MCC: variants seen among roughly 807,000 people sequenced by gnomAD.
MCC encodes the protein colorectal mutant cancer protein.
A neutral mutation model predicts 116.2 loss-of-function variants in MCC; 90 were observed. The observed-to-expected ratio is 0.77, with a 90% CI of 0.65 to 0.92. MCC has a LOEUF of 0.92. MCC is among the 40% of genes least tolerant of loss of function. The probability of loss-of-function intolerance (pLI) is 0.00; values close to 1 mark genes in which losing one functional copy is unlikely to be tolerated. For missense variants in MCC, 1,516 were observed against 1,312.2 expected (o/e 1.16, Z -2.40); for synonymous variants, 578 against 510.5 (o/e 1.13, Z -1.78).
intron 16 of MCC, among the ~76,000 whole-genome samples, chr5:113,047,546 T>C (rs531682269): frequency 6.6e-6 from 1 of 152,352 alleles, no homozygotes; most frequent in East Asian, 1.9e-4. Flanking sequence ...ACATCAGTAC[T>C]GTTCCTTCTT....
chr5:113,114,085 T>G (rs1757259193), intron 6 of MCC, among the ~76,000 whole-genome samples: 1 of 151,842 alleles, frequency 6.6e-6, no homozygotes, highest in Non-Finnish European at 1.5e-5. Context: ...TTTAAATGGC[T>G]TAGAAAAAAA....
chr5:113,267,728 G>C (rs184712254), intron 3 of MCC, among the ~76,000 whole-genome samples: 1 of 152,180 alleles, frequency 6.6e-6, no homozygotes, highest in Non-Finnish European at 1.5e-5. Context: ...CGGGAGGCAG[G>C]GGTGACTGCT....
chr5:113,338,455 G>T (rs1330702424), intron 3 of MCC, among the ~76,000 whole-genome samples: 2 of 152,146 alleles, frequency 1.3e-5, no homozygotes, highest in Non-Finnish European at 2.9e-5. Context: ...AGTCCAGGAG[G>T]TTACTGGAGA....
intron 2 of MCC, among the ~76,000 whole-genome samples, chr5:113,377,233 G>A (rs1364188803): frequency 1.3e-5 from 2 of 152,020 alleles, no homozygotes; most frequent in African/African-American, 2.4e-5. Context: ...TTTGCTGCTT[G>A]TCACCAAAAA....
intron 2 of MCC, 75 bp downstream of exon 2, chr5:113,384,893 G>C: frequency 6.5e-7 from 1 of 1,549,234 alleles, no homozygotes; most frequent in Non-Finnish European, 8.8e-7. Flanking sequence ...ATGATGGGGA[G>C]GCTACTCTCA....
chr5:113,102,030 T>C, intron 7 of MCC, 85 bp from the exon 8 acceptor site: 1 of 1,338,874 alleles, frequency 7.5e-7, no homozygotes, highest in Non-Finnish European at 1.1e-6. Context: ...CAGGAATAAA[T>C]GTCCATAGAG....
chr5:113,303,221 G>A (rs1442781640), intron 3 of MCC, among the ~76,000 whole-genome samples: 1 of 152,144 alleles, frequency 6.6e-6, no homozygotes, highest in African/African-American at 2.4e-5. Context: ...GTGATGATTT[G>A]GAACTTATTG....
At chr5:113,179,112 G>A (rs1482935625) in intron 3 of MCC, among the ~76,000 whole-genome samples, 2 of 152,120 alleles carry the variant, frequency 1.3e-5, no homozygotes, top group African/African-American at 2.4e-5. Context: ...GACCCTTTAA[G>A]AACACAGGCT....
intron 1 of MCC, among the ~76,000 whole-genome samples, chr5:113,441,027 C>T (rs1416557480): frequency 6.6e-6 from 1 of 152,252 alleles, no homozygotes; most frequent in East Asian, 1.9e-4. Flanking sequence ...AAAAGACAGA[C>T]GCAGAATTAG....
intron 2 of MCC, among the ~76,000 whole-genome samples, chr5:113,343,584 C>T (rs1337310878): frequency 6.6e-6 from 1 of 152,174 alleles, no homozygotes; most frequent in Non-Finnish European, 1.5e-5. Context: ...GGACTTATAT[C>T]TCATACATAA....
chr5:113,425,940 A>C (rs1770469969), intron 1 of MCC, among the ~76,000 whole-genome samples: 1 of 152,080 alleles, frequency 6.6e-6, no homozygotes, highest in African/African-American at 2.4e-5. Context: ...AAGCCATGGC[A>C]ATAAGACATC....
At chr5:113,344,098 C>T (rs4331889) in intron 2 of MCC, among the ~76,000 whole-genome samples, 64,882 of 151,990 alleles carry the variant, frequency 0.43, 15,204 homozygotes, top group African/African-American at 0.62. Context: ...GGTTATGTAC[C>T]ATGGAGAATC....
intron 3 of MCC, among the ~76,000 whole-genome samples, chr5:113,312,898 T>C (rs926307697): frequency 1.3e-5 from 2 of 152,182 alleles, no homozygotes; most frequent in Admixed American, 6.5e-5. Context: ...ATTAAATGAA[T>C]GAATGAGCCT....
At chr5:113,181,509 T>C (rs575920056) in intron 3 of MCC, among the ~76,000 whole-genome samples, 1 of 152,346 alleles carries the variant, frequency 6.6e-6, no homozygotes, top group East Asian at 1.9e-4. Context: ...TCTATAACTG[T>C]AGAATACTAT....
intron 8 of MCC, among the ~76,000 whole-genome samples, chr5:113,094,527 T>A (rs894068804): frequency 2.6e-5 from 4 of 151,868 alleles, no homozygotes; most frequent in African/African-American, 4.8e-5. Context: ...TTCAAGCGAT[T>A]TTCCTGCCTC....
chr5:113,060,945 G>A (rs555105013), intron 14 of MCC, among the ~76,000 whole-genome samples: 1 of 152,314 alleles, frequency 6.6e-6, no homozygotes, highest in Non-Finnish European at 1.5e-5. Context: ...ATTCCCTGAA[G>A]CTTACTGATG....
chr5:113,183,822 G>A (rs1761749600), intron 3 of MCC, among the ~76,000 whole-genome samples: 1 of 152,062 alleles, frequency 6.6e-6, no homozygotes, highest in Non-Finnish European at 1.5e-5. Context: ...CAAGACTTGT[G>A]GGGAGAAAGG....
chr5:113,154,094 T>A (rs2150293024), intron 3 of MCC, among the ~76,000 whole-genome samples: 1 of 152,350 alleles, frequency 6.6e-6, no homozygotes, highest in East Asian at 1.9e-4. Flanking sequence ...AGTGATGGGC[T>A]TTGGGTGGTT....
intron 3 of MCC, among the ~76,000 whole-genome samples, chr5:113,178,892 A>G (rs185492856): frequency 2.1e-3 from 311 of 146,312 alleles, no homozygotes; most frequent in Non-Finnish European, 3.5e-3. Context: ...TCCCATTTCT[A>G]TCTCTCTCAT....
Sources: gnomAD v4.1 joint callset for allele counts (sites outside exome capture counted in the v4.1 genomes callset) on GRCh38, gnomAD v4.1.1 for gene constraint, MANE v1.5 for transcripts, NCBI Gene and HGNC (gene_info 2026-07-23, HGNC 2026-07-21) for gene names.